The following PARP4 variants were observed in gnomAD, a reference collection of about 807,000 sequenced individuals.
PARP4 encodes protein mono-ADP-ribosyltransferase PARP4.
A neutral mutation model predicts 187.7 loss-of-function variants in PARP4; 120 were observed. That is an observed-to-expected ratio of 0.64 (90% CI 0.55 to 0.74). PARP4 has a LOEUF of 0.74. Ranked by LOEUF, PARP4 falls within the 30% of genes least tolerant of loss-of-function variation. The probability of loss-of-function intolerance (pLI) is 0.00; values close to 1 mark genes in which losing one functional copy is unlikely to be tolerated. For synonymous variants in PARP4, 654 were observed against 740.9 expected (o/e 0.88, Z 1.90); for missense variants, 1,836 against 2,070.5 (o/e 0.89, Z 2.20).
At chr13:24,456,052 T>G (rs1011549721) in intron 21 of PARP4, among the ~76,000 whole-genome samples, 4 of 152,184 alleles carry the variant, frequency 2.6e-5, no homozygotes, top group Admixed American at 6.5e-5. Context: ...TATAACAAGT[T>G]ATAGAGAATA....
chr13:24,489,357 C>A (rs1868496207), intron 10 of PARP4, among the ~76,000 whole-genome samples: 1 of 152,158 alleles, frequency 6.6e-6, no homozygotes, highest in Non-Finnish European at 1.5e-5. Flanking sequence ...TGCCTGTAAT[C>A]CCAGCACTTT....
At chr13:24,504,671 T>G (rs956943669) in intron 1 of PARP4, among the ~76,000 whole-genome samples, 1 of 152,014 alleles carries the variant, frequency 6.6e-6, no homozygotes, top group South Asian at 2.1e-4. Flanking sequence ...TAATACATGG[T>G]GAAAAATTGT....
intron 10 of PARP4, among the ~76,000 whole-genome samples, chr13:24,488,696 T>G (rs1201191606): frequency 6.6e-6 from 1 of 152,108 alleles, no homozygotes; most frequent in African/African-American, 2.4e-5. Context: ...AAAGATAAAA[T>G]TAACCATTAA....
At position 24,474,598 on chromosome 13, in the gene PARP4, C is replaced by T. The variant is rs1181561014; in HGVS notation, c.1914+874G>A. On this transcript the variant is annotated intron_variant, in intron 15 of 33. Transcript: ENST00000381989. ...TCATCTGAGGACTCTGTTGTCTCCT[C>T]GGCCACGTCCTGCCTCCCTCACTCC... Among the ~76,000 whole-genome samples the T allele has an allele frequency of 9.9e-5, 15 of 151,364 alleles. No individual in the cohort carries two copies. In the East Asian group the frequency reaches 1.4e-3, roughly 14 times the overall value.
At chr13:24,508,720 G>T (rs1433665639) in intron 1 of PARP4, among the ~76,000 whole-genome samples, 2 of 151,986 alleles carry the variant, frequency 1.3e-5, no homozygotes, top group Non-Finnish European at 2.9e-5. Context: ...CACCATGTTG[G>T]CCAGGCTGGT....
At chr13:24,481,727 G>C (rs1873291271) in intron 12 of PARP4, among the ~76,000 whole-genome samples, 1 of 152,064 alleles carries the variant, frequency 6.6e-6, no homozygotes, top group Non-Finnish European at 1.5e-5. Flanking sequence ...AATACATTTT[G>C]GCCAGGTATG....
rs557363866 is a variant in PARP4, at chr13:24,426,045, TAA to T, written c.4979+419_4979+420del. Among the ~76,000 whole-genome samples, 810 of 152,332 alleles carry T rather than the reference TAA, an allele frequency of 5.3e-3. 6 individuals are homozygous for T. Among genetic ancestry groups the T allele is most frequent in the African/African-American group, 0.019 (774 of 41,562 alleles). ...GTTTGCTAGTTTGATTTATAACCTT[TAA>T]ACACTTGTTATAAACTACAAAGTTA... On this transcript the variant is annotated intron_variant, in intron 33 of 33. Transcript: ENST00000381989.
intron 8 of PARP4, 107 bp from the exon 9 acceptor site, chr13:24,492,701 T>C: frequency 3.4e-6 from 3 of 891,852 alleles, no homozygotes; most frequent in Non-Finnish European, 5.0e-6. Flanking sequence ...GACTATCCAT[T>C]TTCTACTGGA....
intron 20 of PARP4, among the ~76,000 whole-genome samples, chr13:24,458,604 A>C (rs1872014631): frequency 6.6e-6 from 1 of 152,108 alleles, no homozygotes; most frequent in African/African-American, 2.4e-5. Flanking sequence ...AAACAAAAAA[A>C]ACTCATCATA....
intron 12 of PARP4, among the ~76,000 whole-genome samples, chr13:24,480,932 C>T (rs1873244847): frequency 6.6e-6 from 1 of 152,264 alleles, no homozygotes; most frequent in African/African-American, 2.4e-5. Context: ...GTAGACAAAA[C>T]AGCCTTCTAT....
At position 24,504,319 on chromosome 13, in the gene PARP4, T is replaced by TTC. The variant is rs1307018485; in HGVS notation, c.-1-543_-1-542insGA. Among the ~76,000 whole-genome samples the TTC allele has an allele frequency of 3.5e-5, 5 of 142,674 alleles. No individual in the cohort carries two copies. In the East Asian group the frequency reaches 1.0e-3, roughly 29 times the overall value. The allele number at this position is 142,674 out of a possible 152,430, so 93.6% of individuals were successfully genotyped here. ...CTGCATTTAGGTTCTTTTTTTTTTT[T>TTC]TTTTTTTTTTTGGAGACGGAATCTC... On this transcript the variant is annotated intron_variant, in intron 1 of 33. Transcript: ENST00000381989.
intron 6 of PARP4, among the ~76,000 whole-genome samples, chr13:24,495,672 G>T (rs1325339084): frequency 6.6e-6 from 1 of 152,166 alleles, no homozygotes; most frequent in Non-Finnish European, 1.5e-5. Flanking sequence ...GGTGTTGGTT[G>T]AGCCCCTGGC....
intron 6 of PARP4, among the ~76,000 whole-genome samples, chr13:24,496,884 G>A (rs763325769): frequency 5.3e-5 from 8 of 152,140 alleles, no homozygotes; most frequent in African/African-American, 9.7e-5. Context: ...TTAGCCAGGC[G>A]TGGCAGCGCA....
chr13:24,434,617 G>A lies in PARP4; in HGVS notation c.4524C>T (p.Leu1508=). ...CAAAGACAGGACATCGACTTCCTTCGAGACTGCCTACTGATTCTTCTAGAA... is the reference window on the plus strand; with the variant it reads ...CAAAGACAGGACATCGACTTCCTTCAAGACTGCCTACTGATTCTTCTAGAA... ...LCLLEESVGS[L]EGSRCPVFAF... Residue 1508 remains leucine (L), a synonymous_variant, in exon 31 of 34, where the codon CTC becomes CTT. Transcript: ENST00000381989. 5 of 1,611,912 alleles carry A rather than the reference G, an allele frequency of 3.1e-6. No homozygotes were observed. The highest frequency in any genetic ancestry group is 2.2e-5 in the East Asian group (1 of 44,802).
chr13:24,435,891 T>C (rs1456049182), intron 30 of PARP4, among the ~76,000 whole-genome samples: 2 of 144,888 alleles, frequency 1.4e-5, no homozygotes, highest in African/African-American at 5.1e-5. Flanking sequence ...CTCTCCAGCC[T>C]GTGTGAGAGG....
intron 32 of PARP4, among the ~76,000 whole-genome samples, chr13:24,431,088 AC>A (rs1318038889): frequency 2.0e-5 from 3 of 152,196 alleles, no homozygotes; most frequent in African/African-American, 7.2e-5. Flanking sequence ...TGTGATACGG[AC>A]AAAAAAGTAA....
intron 15 of PARP4, among the ~76,000 whole-genome samples, chr13:24,470,909 C>T (rs1317912962): frequency 2.6e-5 from 4 of 152,096 alleles, no homozygotes; most frequent in Non-Finnish European, 5.9e-5. Context: ...AGGTCAGCAC[C>T]GTCCTGGAGA....
chr13:24,480,014 T>C (rs1873189624), intron 12 of PARP4, among the ~76,000 whole-genome samples: 1 of 151,812 alleles, frequency 6.6e-6, no homozygotes, highest in Non-Finnish European at 1.5e-5. Context: ...GCTTCACTCC[T>C]GAGCCAGCGA....
chr13:24,440,716 G>A (rs1357801032), intron 30 of PARP4, among the ~76,000 whole-genome samples: 4 of 145,364 alleles, frequency 2.8e-5, no homozygotes, highest in Admixed American at 6.9e-5. Flanking sequence ...CTGAGCATTC[G>A]GCCACAGCAC....
Sources: allele counts gnomAD v4.1 joint callset (sites outside exome capture counted in the v4.1 genomes callset), GRCh38; gene constraint gnomAD v4.1.1; transcripts MANE v1.5; gene names NCBI Gene and HGNC (gene_info 2026-07-23, HGNC 2026-07-21).